The following PDE9A variants were observed in gnomAD, a reference collection of about 807,000 sequenced individuals.
The protein encoded by PDE9A is phosphodiesterase 9A.
PDE9A carries 60 observed loss-of-function variants against 87.4 expected under a neutral mutation model. The observed-to-expected ratio is 0.69, with a 90% CI of 0.56 to 0.85. The LOEUF (loss-of-function observed/expected upper bound fraction) is 0.85, where lower values mean the gene tolerates loss of function less well. Among genes scored for constraint, PDE9A ranks in the 40% least tolerant of loss-of-function variants. The pLI, the probability that PDE9A is intolerant of heterozygous loss-of-function variation, is 0.00. For missense variants in PDE9A, 665 were observed against 779.0 expected (o/e 0.85, Z 1.74); for synonymous variants, 272 against 279.4 (o/e 0.97, Z 0.27).
chr21:42,773,525 T>A (rs2057213746), intron 19 of PDE9A, among the ~76,000 whole-genome samples: 1 of 152,022 alleles, frequency 6.6e-6, no homozygotes, highest in South Asian at 2.1e-4. Flanking sequence ...GTCACACTAA[T>A]GGCCAGGCAC....
chr21:42,710,235 C>T (rs2049196651), intron 4 of PDE9A, among the ~76,000 whole-genome samples: 1 of 151,884 alleles, frequency 6.6e-6, no homozygotes, highest in Admixed American at 6.6e-5. Context: ...TGGCAAAACC[C>T]CATCTCTACA....
At chr21:42,743,567 A>G (rs7283074) in intron 7 of PDE9A, among the ~76,000 whole-genome samples, 1,613 of 152,294 alleles carry the variant, frequency 0.011, 34 homozygotes, top group African/African-American at 0.037. Flanking sequence ...GCCACGGCAC[A>G]TGCCTGCGAG....
chr21:42,758,660 G>T, intron 10 of PDE9A: 1 of 265,946 alleles, frequency 3.8e-6, no homozygotes, highest in Non-Finnish European at 7.3e-6. Context: ...TTGGTGCAGT[G>T]TTTTGTGAAC....
intron 4 of PDE9A, among the ~76,000 whole-genome samples, chr21:42,728,770 C>A (rs2051404474): frequency 6.6e-6 from 1 of 152,094 alleles, no homozygotes. Context: ...GAGGCCAAGG[C>A]AGGCAGATCA....
chr21:42,662,989 A>G (rs911419324), intron 1 of PDE9A, among the ~76,000 whole-genome samples: 1 of 147,162 alleles, frequency 6.8e-6, no homozygotes, highest in African/African-American at 2.5e-5. Flanking sequence ...ACACAAGAAC[A>G]CACACCACAC....
intron 8 of PDE9A, among the ~76,000 whole-genome samples, chr21:42,745,788 G>A (rs945236280): frequency 2.6e-5 from 4 of 152,210 alleles, no homozygotes; most frequent in Non-Finnish European, 2.9e-5. Context: ...CTGGGGCTGC[G>A]GGTGTAGCAG....
rs1045784631 is a variant in PDE9A, at chr21:42,694,264, G to A, written c.219-4704G>A. 1.2e-4 allele frequency among the ~76,000 whole-genome samples: 19 copies of A among 152,332 alleles called. No homozygotes were observed. The highest frequency in any genetic ancestry group is 1.0e-3 in the Admixed American group (16 of 15,302). On this transcript the variant is annotated intron_variant, in intron 3 of 19. Coordinates refer to ENST00000291539, the MANE Select transcript of PDE9A (RefSeq NM_002606.3). The surrounding 1 kb of genome is among the most constrained non-coding windows in gnomAD (Gnocchi z 5.3). ...ACTTCCTCCACTTCTGAAGTCACCT[G>A]CAGTGACTTGGTGTGGACTTGGTCA...
chr21:42,726,615 TATATATA>T (rs1465859417), intron 4 of PDE9A, among the ~76,000 whole-genome samples: 38 of 43,116 alleles, frequency 8.8e-4, no homozygotes, highest in East Asian at 1.7e-3. Context: ...TATATATATA[TATATATA>T]TATTTTTTTT....
rs1479272062 is a variant in PDE9A at position 42,743,822 on chromosome 21, T to G, written c.615T>G (p.Ile205Met). The change falls in exon 8 of 20, where the codon ATT becomes ATG. Residue 205 changes from isoleucine (I) to methionine (M), a missense_variant. Ile to Met is a conservative substitution (Grantham distance 10, BLOSUM62 1). Transcript: ENST00000291539. ...VVEIEKCKSD[I>M]KKMREELAAR... ...AGATTGAGAAATGCAAGAGTGACATTAAGAAGATGAGGGAGGAGCTGGCGG... is the reference window on the plus strand; with the variant it reads ...AGATTGAGAAATGCAAGAGTGACATGAAGAAGATGAGGGAGGAGCTGGCGG... The G allele has an allele frequency of 6.3e-7, 1 of 1,591,698 alleles. No homozygotes were observed. Among genetic ancestry groups the G allele is most frequent in the South Asian group, 1.1e-5 (1 of 87,452 alleles).
intron 1 of PDE9A, among the ~76,000 whole-genome samples, chr21:42,657,667 T>A (rs58129915): frequency 0.05 from 7,672 of 152,272 alleles, 638 homozygotes; most frequent in African/African-American, 0.17. Flanking sequence ...GGTTTGCCAA[T>A]CTTCCGAATC....
intron 3 of PDE9A, chr21:42,689,393 C>A: frequency 3.6e-6 from 1 of 274,206 alleles, no homozygotes; most frequent in Non-Finnish European, 5.6e-6. Context: ...TGCTAATTGG[C>A]TCCCCAGAGA....
intron 7 of PDE9A, among the ~76,000 whole-genome samples, chr21:42,735,489 A>C (rs2052304335): frequency 6.6e-6 from 1 of 152,354 alleles, no homozygotes; most frequent in Admixed American, 6.5e-5. Context: ...TCAAGGCATG[A>C]GCATGACTGG....
At chr21:42,740,025 T>G (rs529460430) in intron 7 of PDE9A, among the ~76,000 whole-genome samples, 58 of 152,268 alleles carry the variant, frequency 3.8e-4, no homozygotes, top group African/African-American at 1.3e-3. Flanking sequence ...AAATTTTATC[T>G]TTTAAAATTA....
chr21:42,680,381 T>G (rs1205132241), intron 1 of PDE9A, among the ~76,000 whole-genome samples: 2 of 152,264 alleles, frequency 1.3e-5, no homozygotes, highest in African/African-American at 4.8e-5. Context: ...GCAGGACAGC[T>G]GGCCGGCAGA....
At chr21:42,768,992 G>T (rs117509171) in intron 16 of PDE9A, 35 bp from the exon 17 acceptor site, 1 of 1,584,616 alleles carries the variant, frequency 6.3e-7, no homozygotes, top group Admixed American at 1.7e-5. Context: ...GGGCATTTCT[G>T]TCTCTAATGT....
chr21:42,734,189 C>G (rs1209498079), intron 7 of PDE9A: 4 of 152,064 alleles, frequency 2.6e-5, no homozygotes, highest in Non-Finnish European at 4.4e-5. Context: ...TTTATAGCAA[C>G]AGAAGAACAG....
At position 42,759,402 on chromosome 21, in the gene PDE9A, C is replaced by T. The variant is rs901056117; in HGVS notation, c.897+317C>T. Among the ~76,000 whole-genome samples, 10 of 132,564 alleles carry T rather than the reference C, an allele frequency of 7.5e-5. No individual in the cohort carries two copies. The highest frequency in any genetic ancestry group is 4.7e-4 in the South Asian group (2 of 4,288). 87.0% of individuals were successfully genotyped at this position (132,564 alleles called of 152,430 possible). A position where few individuals can be genotyped will look rare whatever the true frequency, so the allele number is the denominator to read the frequency against. On this transcript the variant is annotated intron_variant, in intron 11 of 19. Coordinates refer to ENST00000291539, the MANE Select transcript of PDE9A (RefSeq NM_002606.3). The surrounding 1 kb of genome is among the most constrained non-coding windows in gnomAD (Gnocchi z 7.2). The stretch of plus-strand genomic sequence containing the variant: ...GGGAGCGTGTGTGTGTGTGTGGGAG[C>T]GTGTGTGTGTGTGAGAGTGAGTATG...
intron 1 of PDE9A, among the ~76,000 whole-genome samples, chr21:42,668,898 A>ACCCCCCCCCCCCCCCCCCCCCCCCCCCC (rs375148519): frequency 9.5e-6 from 1 of 104,782 alleles, no homozygotes. Flanking sequence ...TGCTCCCTCC[A>ACCCCCCCCCCCCCCCCCCCCCCCCCCCC]CCCCCCGCCA....
At chr21:42,714,164 G>A (rs1023705226) in intron 4 of PDE9A, among the ~76,000 whole-genome samples, 6 of 151,554 alleles carry the variant, frequency 4.0e-5, no homozygotes, top group Admixed American at 6.6e-5. Flanking sequence ...GACTACAGGC[G>A]CCCACCACCG....
Sources: gnomAD v4.1 joint callset for allele counts (sites outside exome capture counted in the v4.1 genomes callset) on GRCh38, gnomAD v4.1.1 for gene constraint, Gnocchi (gnomAD v3.1) non-coding constraint, MANE v1.5 for transcripts, NCBI Gene and HGNC (gene_info 2026-07-23, HGNC 2026-07-21) for gene names.